The following NAALADL2 variants were observed in gnomAD, a reference collection of about 807,000 sequenced individuals.
NAALADL2 encodes inactive N-acetylated-alpha-linked acidic dipeptidase-like protein 2.
In NAALADL2, 76 loss-of-function variants were observed where a neutral mutation model predicts 87.2. The observed-to-expected ratio is 0.87, with a 90% CI of 0.72 to 1.05. NAALADL2 has a LOEUF of 1.05. NAALADL2 is among the 50% of genes least tolerant of loss of function. The probability of loss-of-function intolerance (pLI) is 0.00; values close to 1 mark genes in which losing one functional copy is unlikely to be tolerated. For missense variants in NAALADL2, 1,089 were observed against 945.8 expected (o/e 1.15, Z -1.99); for synonymous variants, 354 against 331.0 (o/e 1.07, Z -0.75).
chr3:175,271,862 A>C (rs1041205480), intron 4 of NAALADL2, among the ~76,000 whole-genome samples: 1 of 152,190 alleles, frequency 6.6e-6, no homozygotes, highest in Non-Finnish European at 1.5e-5. Context: ...ATTACCCATA[A>C]ATAATCTTAT....
At chr3:174,487,643 C>T (rs572713252) in intron 1 of NAALADL2, among the ~76,000 whole-genome samples, 1 of 150,640 alleles carries the variant, frequency 6.6e-6, no homozygotes, top group South Asian at 2.1e-4. Flanking sequence ...ATTCCAGTCC[C>T]AGAGAAAATA....
intron 3 of NAALADL2, among the ~76,000 whole-genome samples, chr3:175,241,243 T>C (rs1381879753): frequency 6.6e-6 from 1 of 151,942 alleles, no homozygotes; most frequent in African/African-American, 2.4e-5. Flanking sequence ...TATTGTTTGT[T>C]TTTAAGACGG....
At chr3:175,632,302 CT>C (rs1208589825) in intron 11 of NAALADL2, among the ~76,000 whole-genome samples, 1 of 134,836 alleles carries the variant, frequency 7.4e-6, no homozygotes, top group Non-Finnish European at 1.6e-5. Flanking sequence ...CTCTCTCTCT[CT>C]CTCTCTCCTA....
At chr3:175,442,672 T>A (rs1236286741) in intron 5 of NAALADL2, among the ~76,000 whole-genome samples, 2 of 152,190 alleles carry the variant, frequency 1.3e-5, no homozygotes, top group Non-Finnish European at 2.9e-5. Flanking sequence ...CATGTAGCAT[T>A]GAATCAGGGA....
At chr3:175,774,396 A>G (rs925232810) in intron 13 of NAALADL2, among the ~76,000 whole-genome samples, 2 of 152,128 alleles carry the variant, frequency 1.3e-5, no homozygotes, top group East Asian at 1.9e-4. Context: ...TTCATTACCT[A>G]TATTCATTTT....
intron 2 of NAALADL2, among the ~76,000 whole-genome samples, chr3:175,215,335 A>C (rs1364969838): frequency 6.6e-6 from 1 of 152,134 alleles, no homozygotes; most frequent in Non-Finnish European, 1.5e-5. Context: ...TTTTTCTTTA[A>C]CAACATCCCA....
At chr3:175,548,989 C>T (rs1443180337) in intron 9 of NAALADL2, among the ~76,000 whole-genome samples, 1 of 152,002 alleles carries the variant, frequency 6.6e-6, no homozygotes. Context: ...GAATTGTGTT[C>T]CTCAAGGTTT....
At chr3:175,768,221 C>A (rs1245683809) in intron 13 of NAALADL2, among the ~76,000 whole-genome samples, 1 of 152,072 alleles carries the variant, frequency 6.6e-6, no homozygotes, top group Non-Finnish European at 1.5e-5. Flanking sequence ...AACTCGTGTA[C>A]CAGGCACTTC....
chr3:174,835,483 A>T (rs1424370932), intron 3 of NAALADL2, among the ~76,000 whole-genome samples: 1 of 152,152 alleles, frequency 6.6e-6, no homozygotes, highest in Non-Finnish European at 1.5e-5. Flanking sequence ...AATACAAGCA[A>T]TACAAGTAAA....
At chr3:174,871,124 A>G (rs1460252842) in intron 1 of NAALADL2, among the ~76,000 whole-genome samples, 1 of 152,250 alleles carries the variant, frequency 6.6e-6, no homozygotes, top group Non-Finnish European at 1.5e-5. Context: ...AAAAACTAGT[A>G]TAAAGAAATA....
intron 1 of NAALADL2, among the ~76,000 whole-genome samples, chr3:174,898,462 A>G (rs142281366): frequency 7.6e-4 from 115 of 152,134 alleles, no homozygotes; most frequent in African/African-American, 2.7e-3. Context: ...ACTATAGTCA[A>G]TAATAACTTA....
At chr3:175,533,808 A>G (rs944086394) in intron 9 of NAALADL2, among the ~76,000 whole-genome samples, 2 of 152,098 alleles carry the variant, frequency 1.3e-5, no homozygotes, top group African/African-American at 4.8e-5. Context: ...ACTCAGGCCA[A>G]TCTTAGCAGA....
intron 3 of NAALADL2, among the ~76,000 whole-genome samples, chr3:175,248,672 T>G (rs1748454358): frequency 1.3e-5 from 2 of 152,178 alleles, no homozygotes; most frequent in Non-Finnish European, 2.9e-5. Flanking sequence ...CTGTTTTTGG[T>G]GCTCAGAACA....
intron 5 of NAALADL2, among the ~76,000 whole-genome samples, chr3:175,358,665 T>C (rs1581567888): frequency 6.6e-6 from 1 of 152,204 alleles, no homozygotes; most frequent in South Asian, 2.1e-4. Context: ...TACTATACTG[T>C]GTTATCTTAC....
intron 3 of NAALADL2, among the ~76,000 whole-genome samples, chr3:174,804,374 A>G (rs147798476): frequency 1.3e-5 from 2 of 152,120 alleles, no homozygotes; most frequent in African/African-American, 4.8e-5. Context: ...GTGCTGAGAC[A>G]TTGGGGTTTT....
chr3:175,360,936 G>A (rs2148907716), intron 5 of NAALADL2, among the ~76,000 whole-genome samples: 1 of 151,326 alleles, frequency 6.6e-6, no homozygotes, highest in South Asian at 2.1e-4. Context: ...TGTTAAATAT[G>A]TATACATGTG....
At chr3:175,390,311 A>T (rs16825597) in intron 5 of NAALADL2, among the ~76,000 whole-genome samples, 34,747 of 152,066 alleles carry the variant, frequency 0.23, 4,534 homozygotes, top group East Asian at 0.47. Flanking sequence ...TTTCTTCAAA[A>T]TTACCTCTGG....
At chr3:175,408,298 A>G (rs1581762742) in intron 5 of NAALADL2, among the ~76,000 whole-genome samples, 1 of 152,136 alleles carries the variant, frequency 6.6e-6, no homozygotes, top group Non-Finnish European at 1.5e-5. Flanking sequence ...TGGACAAAAA[A>G]AGTTAGTGAG....
At chr3:174,651,562 G>T (rs1724366187) in intron 2 of NAALADL2, among the ~76,000 whole-genome samples, 1 of 152,010 alleles carries the variant, frequency 6.6e-6, no homozygotes, top group South Asian at 2.1e-4. Context: ...AATAACTTAG[G>T]CTTTATTAAT....
Sources: allele counts gnomAD v4.1 joint callset (sites outside exome capture counted in the v4.1 genomes callset), GRCh38; gene constraint gnomAD v4.1.1; transcripts MANE v1.5; gene names NCBI Gene and HGNC (gene_info 2026-07-23, HGNC 2026-07-21).